EBF2: variants seen among roughly 807,000 people sequenced by gnomAD.
The protein encoded by EBF2 is EBF transcription factor 2.
A neutral mutation model predicts 72.8 loss-of-function variants in EBF2; 21 were observed. The ratio of observed to expected loss-of-function variants is 0.29; its 90% CI spans 0.20 to 0.42. The LOEUF (loss-of-function observed/expected upper bound fraction) is 0.42. EBF2 is among the 10% of genes least tolerant of loss of function. The pLI is 1.00. For synonymous variants in EBF2, 299 were observed against 274.2 expected (o/e 1.09, Z -0.89); for missense variants, 637 against 731.2 (o/e 0.87, Z 1.49).
chr8:25,865,060 C>T (rs891874203), intron 10 of EBF2, among the ~76,000 whole-genome samples: 12 of 152,138 alleles, frequency 7.9e-5, no homozygotes, highest in African/African-American at 2.9e-4. Flanking sequence ...CTCGGCCTCA[C>T]AAAGTGCTGG....
intron 7 of EBF2, among the ~76,000 whole-genome samples, chr8:25,904,624 T>C (rs1436180780): frequency 3.3e-5 from 5 of 152,206 alleles, no homozygotes; most frequent in Non-Finnish European, 4.4e-5. Flanking sequence ...TCTTTGTCCT[T>C]CTGAGTGAGA....
intron 6 of EBF2, among the ~76,000 whole-genome samples, chr8:25,917,428 C>T (rs1168546525): frequency 6.6e-6 from 1 of 152,160 alleles, no homozygotes; most frequent in Non-Finnish European, 1.5e-5. Flanking sequence ...TAATTGTTCT[C>T]ACAAAATGTC....
chr8:25,867,560 G>C (rs1319139291), intron 10 of EBF2, among the ~76,000 whole-genome samples: 1 of 152,188 alleles, frequency 6.6e-6, no homozygotes. Flanking sequence ...TGCCTGTCTT[G>C]TAAATGATGC....
In EBF2 at chr8:26,042,067, C is replaced by A. The variant is rs764351051; in HGVS notation, c.288+28G>T. On this transcript the variant is annotated intron_variant, in intron 2 of 15. Coordinates refer to ENST00000520164, the MANE Select transcript of EBF2 (RefSeq NM_022659.4). ...TTCGCAAGAGGGAGTTATTAGGCCG[C>A]GGGGTTTGGGGGGTACTTTCCGCTT... 3.7e-6 allele frequency: 6 copies of A among 1,606,470 alleles called. No individual in the cohort carries two copies. The South Asian group carries it at 6.6e-5, about 18-fold the overall frequency.
intron 10 of EBF2, among the ~76,000 whole-genome samples, chr8:25,869,383 T>C (rs1450594939): frequency 6.6e-6 from 1 of 152,166 alleles, no homozygotes; most frequent in African/African-American, 2.4e-5. Flanking sequence ...CTTGCCCTGC[T>C]GCTCTTTCCT....
chr8:25,856,369 T>A (rs1195525522), intron 14 of EBF2, among the ~76,000 whole-genome samples: 1 of 152,244 alleles, frequency 6.6e-6, no homozygotes, highest in East Asian at 1.9e-4. Flanking sequence ...TATAAATACA[T>A]TAAATATTCC....
chr8:25,945,109 A>T (rs1803746049), intron 6 of EBF2, among the ~76,000 whole-genome samples: 1 of 74,232 alleles, frequency 1.3e-5, no homozygotes, highest in Non-Finnish European at 2.7e-5. Flanking sequence ...CCCACCCCAG[A>T]CTCCTATGTT....
chr8:25,874,969 A>G (rs1052844374), intron 10 of EBF2, among the ~76,000 whole-genome samples: 5 of 145,526 alleles, frequency 3.4e-5, no homozygotes, highest in African/African-American at 1.0e-4. Flanking sequence ...TTCAGGGGGG[A>G]ACCATGGTGC....
chr8:25,996,597 TAAGAA>T (rs1167753161), intron 6 of EBF2, among the ~76,000 whole-genome samples: 1 of 150,544 alleles, frequency 6.6e-6, no homozygotes, highest in African/African-American at 2.4e-5. Flanking sequence ...TTTAAAAAAA[TAAGAA>T]AAGAAAAACT....
At chr8:25,878,771 C>A (rs756661551) in intron 10 of EBF2, among the ~76,000 whole-genome samples, 2 of 152,156 alleles carry the variant, frequency 1.3e-5, no homozygotes, top group African/African-American at 2.4e-5. Context: ...TCCAGCCATC[C>A]TTGATAGCAT....
intron 6 of EBF2, among the ~76,000 whole-genome samples, chr8:26,018,956 G>T (rs62499126): frequency 7.2e-6 from 1 of 139,832 alleles, no homozygotes; most frequent in African/African-American, 2.6e-5. Flanking sequence ...AAAAAAAAAG[G>T]CAAAGAACCC....
At position 25,881,248 on chromosome 8, in the gene EBF2, A is replaced by T. The variant is rs75597173; in HGVS notation, c.1009+5507T>A. Among the ~76,000 whole-genome samples the T allele has an allele frequency of 2.9e-3, 448 of 152,346 alleles. 3 individuals are homozygous for T. The highest frequency in any genetic ancestry group is 0.01 in the African/African-American group (424 of 41,580). ...CTTGAGGAAGAGCTGAAAAAAAACA[A>T]GCCTTAATGTGACCTGGCCCCTGCC... On this transcript the variant is annotated intron_variant, in intron 10 of 15. Coordinates refer to ENST00000520164, the MANE Select transcript of EBF2 (RefSeq NM_022659.4).
intron 6 of EBF2, among the ~76,000 whole-genome samples, chr8:25,919,607 C>T (rs1485305500): frequency 1.3e-5 from 2 of 152,158 alleles, no homozygotes; most frequent in Non-Finnish European, 2.9e-5. Context: ...AATACACCTT[C>T]TCAATACCAG....
chr8:25,858,530 T>C (rs1479029262), intron 13 of EBF2, 26 bp from the exon 14 acceptor site: 1 of 1,605,524 alleles, frequency 6.2e-7, no homozygotes, highest in Non-Finnish European at 8.5e-7. Context: ...AAAGCCCAGG[T>C]AAATCAACAG....
chr8:25,867,412 C>T (rs192596390), intron 10 of EBF2, among the ~76,000 whole-genome samples: 78 of 152,300 alleles, frequency 5.1e-4, no homozygotes, highest in Non-Finnish European at 9.8e-4. Flanking sequence ...CATTCTTAAC[C>T]CCGAGTTAAC....
Position 25,903,187 on chromosome 8 carries a change from G to GTTT in EBF2, c.633+5284_633+5286dup, listed in dbSNP as rs542446501. Reference sequence around the variant, plus strand: ...GGCATCCTCATGACATTTTGTCTGGGTTTTTTTTTTTTTTTTTTTCCTTTT... The same window carrying GTTT: ...GGCATCCTCATGACATTTTGTCTGGGTTTTTTTTTTTTTTTTTTTTTTCCTTTT... On this transcript the variant is annotated intron_variant, in intron 7 of 15. Coordinates refer to ENST00000520164, the MANE Select transcript of EBF2 (RefSeq NM_022659.4). Among the ~76,000 whole-genome samples the GTTT allele has an allele frequency of 4.9e-3, 650 of 132,472 alleles. 9 individuals are homozygous for GTTT. The highest frequency in any genetic ancestry group is 0.028 in the Admixed American group (361 of 12,982). 86.9% of individuals were successfully genotyped at this position (132,472 alleles called of 152,430 possible). A position where few individuals can be genotyped will look rare whatever the true frequency, so the allele number is the denominator to read the frequency against.
intron 6 of EBF2, among the ~76,000 whole-genome samples, chr8:25,958,516 C>T (rs1803985272): frequency 6.6e-6 from 1 of 152,144 alleles, no homozygotes; most frequent in Non-Finnish European, 1.5e-5. Flanking sequence ...TCACTGACAC[C>T]TCTCTGCAGT....
intron 6 of EBF2, among the ~76,000 whole-genome samples, chr8:25,955,313 C>T (rs1803928184): frequency 1.3e-5 from 2 of 152,320 alleles, no homozygotes; most frequent in African/African-American, 4.8e-5. Context: ...AGGCAAGAAA[C>T]CAGCTTGGAA....
chr8:25,906,381 A>T (rs879003320), intron 7 of EBF2, among the ~76,000 whole-genome samples: 13 of 152,112 alleles, frequency 8.5e-5, no homozygotes, highest in African/African-American at 3.1e-4. Flanking sequence ...TTACATTTTT[A>T]TTTGGAATAT....
Sources: allele counts gnomAD v4.1 joint callset (sites outside exome capture counted in the v4.1 genomes callset), GRCh38; gene constraint gnomAD v4.1.1; transcripts MANE v1.5; gene names NCBI Gene and HGNC (gene_info 2026-07-23, HGNC 2026-07-21).